The following CAP2 variants were observed in gnomAD, a reference collection of about 807,000 sequenced individuals.
CAP2 encodes adenylyl cyclase-associated protein 2.
A neutral mutation model predicts 57.7 loss-of-function variants in CAP2; 24 were observed. That is an observed-to-expected ratio of 0.42 (90% CI 0.30 to 0.58). The LOEUF is 0.58. Ranked by LOEUF, CAP2 falls within the 20% of genes least tolerant of loss-of-function variation. The pLI is 0.22. For missense variants in CAP2, 501 were observed against 590.3 expected, an observed-to-expected ratio of 0.85 and a Z score of 1.57; for synonymous variants, 194 against 207.2, an observed-to-expected ratio of 0.94 and a Z score of 0.55.
chr6:17,455,824 C>G (rs577999584), intron 3 of CAP2, among the ~76,000 whole-genome samples: 1 of 152,148 alleles, frequency 6.6e-6, no homozygotes, highest in Non-Finnish European at 1.5e-5. Context: ...CGTGAGCCAC[C>G]GCGCCCAGCC....
intron 4 of CAP2, among the ~76,000 whole-genome samples, chr6:17,482,223 G>A (rs544766451): frequency 6.6e-6 from 1 of 152,240 alleles, no homozygotes; most frequent in African/African-American, 2.4e-5. Context: ...TCATAGTTCT[G>A]GAGGTTAGAA....
intron 7 of CAP2, chr6:17,536,384 A>G (rs556136223): frequency 3.0e-4 from 134 of 444,162 alleles, no homozygotes; most frequent in African/African-American, 2.5e-3. Context: ...CTTGGAAACA[A>G]GAGCCCGGTA....
intron 3 of CAP2, among the ~76,000 whole-genome samples, chr6:17,440,600 A>G (rs1236713968): frequency 1.5e-5 from 2 of 130,450 alleles, no homozygotes; most frequent in African/African-American, 6.3e-5. Context: ...TTGGGCTGAA[A>G]ACAAACTGTG....
chr6:17,465,375 G>C (rs1490291467), intron 4 of CAP2, among the ~76,000 whole-genome samples: 3 of 152,094 alleles, frequency 2.0e-5, no homozygotes, highest in Non-Finnish European at 4.4e-5. Context: ...CTTGATAAAG[G>C]GGAGGGAAAC....
At chr6:17,523,089 A>C (rs914348030) in intron 7 of CAP2, among the ~76,000 whole-genome samples, 1 of 152,240 alleles carries the variant, frequency 6.6e-6, no homozygotes, top group African/African-American at 2.4e-5. Context: ...TAGGAATTGC[A>C]TAAGATAGAT....
At chr6:17,453,561 C>A (rs1177490725) in intron 3 of CAP2, among the ~76,000 whole-genome samples, 1 of 152,146 alleles carries the variant, frequency 6.6e-6, no homozygotes, top group Non-Finnish European at 1.5e-5. Context: ...ACGGTTAATA[C>A]ATGTAAGTTG....
At chr6:17,412,345 T>C (rs1759160427) in intron 1 of CAP2, among the ~76,000 whole-genome samples, 1 of 152,140 alleles carries the variant, frequency 6.6e-6, no homozygotes, top group Non-Finnish European at 1.5e-5. Flanking sequence ...CAAAACACCT[T>C]TGCAGACAAT....
chr6:17,451,506 A>C (rs1361396092), intron 3 of CAP2, among the ~76,000 whole-genome samples: 1 of 151,938 alleles, frequency 6.6e-6, no homozygotes, highest in Non-Finnish European at 1.5e-5. Flanking sequence ...GTAGGTATTC[A>C]GAAAATACTT....
At chr6:17,434,992 C>T (rs1419654141) in intron 3 of CAP2, among the ~76,000 whole-genome samples, 1 of 142,446 alleles carries the variant, frequency 7.0e-6, no homozygotes. Context: ...TATCATCTCA[C>T]ACCAGTTAGA....
At chr6:17,478,772 CT>C (rs962496135) in intron 4 of CAP2, among the ~76,000 whole-genome samples, 2 of 152,154 alleles carry the variant, frequency 1.3e-5, no homozygotes, top group African/African-American at 4.8e-5. Context: ...CTCCTGTCCT[CT>C]GTCTTTCCTC....
chr6:17,397,177 A>C (rs1758686501), intron 1 of CAP2, among the ~76,000 whole-genome samples: 1 of 152,210 alleles, frequency 6.6e-6, no homozygotes, highest in East Asian at 2.0e-4. Flanking sequence ...CTCCCGCCTC[A>C]GCCTCCTGAG....
intron 4 of CAP2, among the ~76,000 whole-genome samples, chr6:17,486,924 G>C (rs1264252166): frequency 6.6e-6 from 1 of 152,172 alleles, no homozygotes; most frequent in Admixed American, 6.5e-5. Flanking sequence ...CCACTGCAGA[G>C]GACTCAGCTG....
At chr6:17,542,747 AC>A in intron 9 of CAP2, 89 bp from the exon 10 acceptor site, 1 of 1,005,092 alleles carries the variant, frequency 9.9e-7, no homozygotes, top group South Asian at 1.5e-5. Context: ...GCAAAGCCAT[AC>A]TTCATGCTGA....
chr6:17,450,564 A>G (rs1760376658), intron 3 of CAP2, among the ~76,000 whole-genome samples: 1 of 152,218 alleles, frequency 6.6e-6, no homozygotes, highest in African/African-American at 2.4e-5. Context: ...CTGTGCACTG[A>G]TGTAAATACT....
At chr6:17,450,012 G>A (rs1760361808) in intron 3 of CAP2, among the ~76,000 whole-genome samples, 1 of 151,646 alleles carries the variant, frequency 6.6e-6, no homozygotes, top group African/African-American at 2.4e-5. Context: ...ACAACCCACA[G>A]AAATCATCCT....
intron 4 of CAP2, among the ~76,000 whole-genome samples, chr6:17,492,393 C>G (rs1414050337): frequency 6.6e-6 from 1 of 152,080 alleles, no homozygotes; most frequent in African/African-American, 2.4e-5. Context: ...TGGTGAGGCA[C>G]CAGAGGGTCT....
Position 17,399,371 on chromosome 6 carries a change from C to T in CAP2, c.-2+5625C>T, listed in dbSNP as rs977854631. ...AGCCACCACGCCCGGCCTACATGAGCTTTTATATCCAGGGGAATTCCATCT... is the reference window on the plus strand; with the variant it reads ...AGCCACCACGCCCGGCCTACATGAGTTTTTATATCCAGGGGAATTCCATCT... On this transcript the variant is annotated intron_variant, in intron 1 of 12. Coordinates refer to ENST00000229922, the MANE Select transcript of CAP2 (RefSeq NM_006366.3). Among the ~76,000 whole-genome samples the T allele has an allele frequency of 1.3e-5, 2 of 152,076 alleles. 1 individual carries two copies. The highest frequency in any genetic ancestry group is 2.9e-5 in the Non-Finnish European group (2 of 68,006).
chr6:17,548,933 A>G (rs1178147301), intron 11 of CAP2, among the ~76,000 whole-genome samples: 1 of 152,218 alleles, frequency 6.6e-6, no homozygotes, highest in Non-Finnish European at 1.5e-5. Flanking sequence ...AAACTTTGAT[A>G]ATAACATGTA....
chr6:17,405,430 CAAT>C (rs1415483244), intron 1 of CAP2, among the ~76,000 whole-genome samples: 1 of 151,726 alleles, frequency 6.6e-6, no homozygotes, highest in African/African-American at 2.4e-5. Context: ...AAGAGATTAA[CAAT>C]AATAACTAAT....
Sources: gnomAD v4.1 joint callset for allele counts (sites outside exome capture counted in the v4.1 genomes callset) on GRCh38, gnomAD v4.1.1 for gene constraint, MANE v1.5 for transcripts, NCBI Gene and HGNC (gene_info 2026-07-23, HGNC 2026-07-21) for gene names.